Variants in NEK7 observed in about 807,000 individuals in gnomAD.
NEK7 encodes the protein NIMA related kinase 7.
NEK7 carries 18 observed loss-of-function variants against 44.6 expected under a neutral mutation model. The observed-to-expected ratio is 0.40, with a 90% confidence interval of 0.28 to 0.60. The LOEUF is 0.60. NEK7 is among the 20% of genes least tolerant of loss of function. NEK7 has a pLI of 0.38. For synonymous variants in NEK7, 130 were observed against 121.1 expected (o/e 1.07, Z -0.48); for missense variants, 256 against 366.5 (o/e 0.70, Z 2.46).
At chr1:198,319,337 A>T in intron 9 of NEK7, 75 bp from the exon 10 acceptor site, 1 of 895,510 alleles carries the variant, frequency 1.1e-6, no homozygotes, top group South Asian at 1.6e-5. Context: ...ATAGCTATTC[A>T]TAATTTCTTC....
At chr1:198,208,840 A>G (rs1665675646) in intron 1 of NEK7, among the ~76,000 whole-genome samples, 1 of 152,056 alleles carries the variant, frequency 6.6e-6, no homozygotes, top group Non-Finnish European at 1.5e-5. Context: ...TGTGTTTCCA[A>G]GAGACTGTAA....
At chr1:198,303,930 C>G (rs1654957839) in intron 9 of NEK7, among the ~76,000 whole-genome samples, 1 of 152,172 alleles carries the variant, frequency 6.6e-6, no homozygotes, top group Non-Finnish European at 1.5e-5. Context: ...ATCTCAAACG[C>G]TATTAATAAC....
intron 1 of NEK7, among the ~76,000 whole-genome samples, chr1:198,223,206 T>C (rs1666119782): frequency 1.3e-5 from 2 of 152,218 alleles, no homozygotes; most frequent in South Asian, 4.1e-4. Flanking sequence ...AATATCACTT[T>C]GGAGAGAATG....
At chr1:198,166,000 A>G (rs1042812370) in intron 1 of NEK7, among the ~76,000 whole-genome samples, 1 of 152,056 alleles carries the variant, frequency 6.6e-6, no homozygotes, top group African/African-American at 2.4e-5. Context: ...TCATGGACCA[A>G]CCTCTGTTAA....
At chr1:198,267,436 A>G (rs546071016) in intron 5 of NEK7, among the ~76,000 whole-genome samples, 1 of 151,954 alleles carries the variant, frequency 6.6e-6, no homozygotes, top group South Asian at 2.1e-4. Context: ...TTGCTATTTT[A>G]TTTTATTTAT....
chr1:198,182,722 T>G (rs1173080091), intron 1 of NEK7, among the ~76,000 whole-genome samples: 2 of 152,212 alleles, frequency 1.3e-5, no homozygotes, highest in East Asian at 3.8e-4. Flanking sequence ...CATACTTTAA[T>G]GGCTCAGTAA....
chr1:198,315,826 T>C (rs1004094113), intron 9 of NEK7, among the ~76,000 whole-genome samples: 1 of 152,150 alleles, frequency 6.6e-6, no homozygotes, highest in African/African-American at 2.4e-5. Flanking sequence ...ACATGTTTAA[T>C]GTGAATATTT....
chr1:198,283,679 CTTATCTA>C (rs1024832742), intron 7 of NEK7, among the ~76,000 whole-genome samples: 3 of 152,062 alleles, frequency 2.0e-5, no homozygotes, highest in Non-Finnish European at 4.4e-5. Context: ...TGTTAAGAAA[CTTATCTA>C]TATCTACATC....
At chr1:198,284,528 G>T (rs1023159961) in intron 7 of NEK7, among the ~76,000 whole-genome samples, 3 of 152,152 alleles carry the variant, frequency 2.0e-5, no homozygotes, top group South Asian at 4.1e-4. Context: ...TATTTCTAAA[G>T]AAGTGGCTAT....
intron 8 of NEK7, among the ~76,000 whole-genome samples, chr1:198,296,602 C>G (rs1042016424): frequency 6.6e-6 from 1 of 152,092 alleles, no homozygotes; most frequent in Admixed American, 6.5e-5. Flanking sequence ...ATTTGGGGAT[C>G]AGTTATTGCA....
intron 9 of NEK7, among the ~76,000 whole-genome samples, chr1:198,297,501 C>T (rs1025408007): frequency 1.2e-4 from 19 of 152,142 alleles, no homozygotes; most frequent in Admixed American, 2.0e-4. Flanking sequence ...GTAGCTGACT[C>T]TACAGTGTAC....
chr1:198,225,255 CAAA>C (rs34192199), intron 1 of NEK7, among the ~76,000 whole-genome samples: 3 of 133,094 alleles, frequency 2.3e-5, no homozygotes, highest in Admixed American at 2.2e-4. Context: ...GTGTAGGTTA[CAAA>C]AAAAAAAAAA....
rs571788123 is a variant in NEK7 at position 198,320,578 on chromosome 1, T to C, written c.*1056T>C. On this transcript the variant is annotated 3_prime_UTR_variant, in exon 10 of 10. Transcript: ENST00000367385. ...GAGTATAATACCCTTTTAAAAGATA[T>C]TTGGTATACCAATACTTTTCCTGGA... 3 of 152,312 alleles carry C rather than the reference T, an allele frequency of 2.0e-5. No homozygotes were observed. Among genetic ancestry groups the C allele is most frequent in the African/African-American group, 4.8e-5 (2 of 41,574 alleles). The allele number at this position is 152,312 out of a possible 1,614,324, so 9.4% of individuals were successfully genotyped here. A position where few individuals can be genotyped will look rare whatever the true frequency, so the allele number is the denominator to read the frequency against.
intron 5 of NEK7, among the ~76,000 whole-genome samples, chr1:198,274,996 ATCT>A (rs939751384): frequency 1.3e-5 from 2 of 151,698 alleles, no homozygotes; most frequent in African/African-American, 4.8e-5. Context: ...AATGATGGTA[ATCT>A]TCTTACACAT....
At chr1:198,162,181 C>T (rs1664125481) in intron 1 of NEK7, among the ~76,000 whole-genome samples, 1 of 152,104 alleles carries the variant, frequency 6.6e-6, no homozygotes, top group South Asian at 2.1e-4. Flanking sequence ...ATGGAAAATG[C>T]AACAGCTTTG....
At chr1:198,196,108 ATATTC>A (rs1186398513) in intron 1 of NEK7, among the ~76,000 whole-genome samples, 1 of 152,204 alleles carries the variant, frequency 6.6e-6, no homozygotes, top group East Asian at 1.9e-4. Flanking sequence ...ATCCATTACT[ATATTC>A]TAGGAAAATT....
chr1:198,261,994 T>C (rs1221062673), intron 3 of NEK7, among the ~76,000 whole-genome samples: 1 of 151,844 alleles, frequency 6.6e-6, no homozygotes, highest in East Asian at 1.9e-4. Flanking sequence ...AAAGAACCAA[T>C]TTTCACCCCC....
At chr1:198,173,810 T>TATAGAAC (rs553302372) in intron 1 of NEK7, among the ~76,000 whole-genome samples, 2 of 152,214 alleles carry the variant, frequency 1.3e-5, no homozygotes, top group African/African-American at 4.8e-5. Flanking sequence ...AAGTTTTTTT[T>TATAGAAC]ATAGAACATC....
intron 1 of NEK7, among the ~76,000 whole-genome samples, chr1:198,229,963 CA>C (rs964884246): frequency 6.6e-6 from 1 of 152,096 alleles, no homozygotes; most frequent in Non-Finnish European, 1.5e-5. Flanking sequence ...CAGAATTTCT[CA>C]AAATGTCTTC....
Sources: gnomAD v4.1 joint callset for allele counts (sites outside exome capture counted in the v4.1 genomes callset) on GRCh38, gnomAD v4.1.1 for gene constraint, MANE v1.5 for transcripts, NCBI Gene and HGNC (gene_info 2026-07-23, HGNC 2026-07-21) for gene names.